SEMA3E: variants seen among roughly 807,000 people sequenced by gnomAD.
SEMA3E encodes the protein semaphorin-3E.
Under a neutral mutation model 93.6 loss-of-function variants are expected in SEMA3E, and 49 were observed. That is an observed-to-expected ratio of 0.52 (90% CI 0.42 to 0.66). The LOEUF is 0.66. Ranked by LOEUF, SEMA3E falls within the 30% of genes least tolerant of loss-of-function variation. SEMA3E has a pLI of 0.00. For synonymous variants in SEMA3E, 363 were observed against 330.7 expected, an observed-to-expected ratio of 1.10 and a Z score of -1.06; for missense variants, 906 against 964.8, an observed-to-expected ratio of 0.94 and a Z score of 0.81.
chr7:83,444,144 A>ATGTGTGTG (rs1382859599), intron 4 of SEMA3E, among the ~76,000 whole-genome samples: 2 of 152,168 alleles, frequency 1.3e-5, no homozygotes, highest in African/African-American at 4.8e-5. Flanking sequence ...AGAGGAGATA[A>ATGTGTGTG]TGTGTGATCT....
intron 3 of SEMA3E, among the ~76,000 whole-genome samples, chr7:83,467,918 CT>C (rs11350586): frequency 0.97 from 147,145 of 152,318 alleles, 71,304 homozygotes; most frequent in East Asian, 1. Flanking sequence ...TTTACAATAG[CT>C]TTCAAAATCA....
At chr7:83,370,764 G>C (rs1562748408) in intron 16 of SEMA3E, among the ~76,000 whole-genome samples, 2 of 151,954 alleles carry the variant, frequency 1.3e-5, no homozygotes, top group Non-Finnish European at 2.9e-5. Context: ...TCATATACTT[G>C]AGCATGCAAC....
chr7:83,534,674 G>T (rs1791377318), intron 1 of SEMA3E, among the ~76,000 whole-genome samples: 1 of 152,104 alleles, frequency 6.6e-6, no homozygotes, highest in Admixed American at 6.6e-5. Flanking sequence ...AAATAAAGTT[G>T]TATTGATCAC....
chr7:83,452,857 C>T (rs1336309229), intron 4 of SEMA3E, among the ~76,000 whole-genome samples: 1 of 152,008 alleles, frequency 6.6e-6, no homozygotes, highest in Non-Finnish European at 1.5e-5. Context: ...CTTTTAATGC[C>T]GTGGGGAACA....
intron 1 of SEMA3E, among the ~76,000 whole-genome samples, chr7:83,560,613 C>A (rs1198606881): frequency 6.6e-6 from 1 of 151,938 alleles, no homozygotes; most frequent in Non-Finnish European, 1.5e-5. Context: ...TCTTAGAATT[C>A]TCCTTTGAAC....
chr7:83,374,462 T>C (rs930448293), intron 16 of SEMA3E, among the ~76,000 whole-genome samples: 1 of 152,020 alleles, frequency 6.6e-6, no homozygotes, highest in Non-Finnish European at 1.5e-5. Context: ...CTCAGATCTA[T>C]AAGGGGTTAT....
At chr7:83,579,657 T>C (rs886910940) in intron 1 of SEMA3E, among the ~76,000 whole-genome samples, 2 of 152,122 alleles carry the variant, frequency 1.3e-5, no homozygotes, top group African/African-American at 4.8e-5. Flanking sequence ...CCCAGTTAAT[T>C]GACATAATGT....
At chr7:83,636,045 A>G (rs571978966) in intron 1 of SEMA3E, among the ~76,000 whole-genome samples, 18 of 152,220 alleles carry the variant, frequency 1.2e-4, no homozygotes, top group African/African-American at 4.3e-4. Context: ...TTGTCACTGT[A>G]GAAATGAATG....
chr7:83,590,939 C>T (rs1173897376), intron 1 of SEMA3E, among the ~76,000 whole-genome samples: 4 of 151,936 alleles, frequency 2.6e-5, no homozygotes, highest in Non-Finnish European at 5.9e-5. Flanking sequence ...TGACACAAAA[C>T]ATGAAGGAAA....
chr7:83,544,350 C>A (rs1292203542), intron 1 of SEMA3E, among the ~76,000 whole-genome samples: 1 of 152,010 alleles, frequency 6.6e-6, no homozygotes, highest in Non-Finnish European at 1.5e-5. Flanking sequence ...GGTGTTAATT[C>A]TTCATTCGAG....
intron 1 of SEMA3E, among the ~76,000 whole-genome samples, chr7:83,598,594 C>T (rs1183769346): frequency 6.6e-6 from 1 of 152,090 alleles, no homozygotes; most frequent in Non-Finnish European, 1.5e-5. Context: ...TAGAGTCCTC[C>T]CTTTGGAAGC....
rs116919730 is a variant in SEMA3E, at chr7:83,456,432, A to C, written c.456+10050T>G. On this transcript the variant is annotated intron_variant, in intron 4 of 16. Transcript: ENST00000643230. Reference sequence around the variant, plus strand: ...TATTCTCCATGAAATCCCCCCATAAAAACAGAGGGATTAAGTAGGATGCAA... The same window carrying C: ...TATTCTCCATGAAATCCCCCCATAACAACAGAGGGATTAAGTAGGATGCAA... 9.3e-3 allele frequency among the ~76,000 whole-genome samples: 1,409 copies of C among 152,178 alleles called. 14 individuals carry two copies. The highest frequency in any genetic ancestry group is 0.015 in the Non-Finnish European group (1,019 of 67,996).
chr7:83,490,176 C>A lies in SEMA3E; in HGVS notation c.214G>T (p.Val72Leu), dbSNP rs371960755. 90 of 1,612,948 alleles carry A rather than the reference C, an allele frequency of 5.6e-5. No individual in the cohort carries two copies. The highest frequency in any genetic ancestry group is 7.0e-5 in the Non-Finnish European group (83 of 1,179,420). Residue 72 changes from valine to leucine, a missense_variant, in exon 2 of 17, where the codon GTG (valine) becomes TTG (leucine). Transcript: ENST00000643230. ...GAATATACAAGGTCCCTGCCTCCCA[C>A]GAAGAGCCTCTCTTGATATTCATCC... ...LLDEYQERLF[V>L]GGRDLVYSLS... is the part of the protein sequence containing the mutation.
intron 1 of SEMA3E, among the ~76,000 whole-genome samples, chr7:83,560,594 A>G (rs942148758): frequency 6.6e-6 from 1 of 151,992 alleles, no homozygotes; most frequent in Non-Finnish European, 1.5e-5. Context: ...TTTCCTATGC[A>G]TGTGTGGTTC....
At chr7:83,629,661 G>C (rs536625530) in intron 1 of SEMA3E, among the ~76,000 whole-genome samples, 1 of 152,244 alleles carries the variant, frequency 6.6e-6, no homozygotes, top group South Asian at 2.1e-4. Flanking sequence ...AGTGTCCCAG[G>C]TCACCTTCAG....
chr7:83,552,453 A>G (rs1445481200), intron 1 of SEMA3E, among the ~76,000 whole-genome samples: 1 of 152,150 alleles, frequency 6.6e-6, no homozygotes, highest in African/African-American at 2.4e-5. Context: ...AAAGAACAGA[A>G]TAACAGCAAT....
intron 2 of SEMA3E, among the ~76,000 whole-genome samples, chr7:83,483,074 G>T (rs1237476887): frequency 6.6e-6 from 1 of 151,556 alleles, no homozygotes; most frequent in Non-Finnish European, 1.5e-5. Context: ...GAGTTAACTG[G>T]GGCCTGAAAA....
intron 1 of SEMA3E, among the ~76,000 whole-genome samples, chr7:83,647,842 TAATC>T (rs1794099091): frequency 2.0e-5 from 3 of 152,228 alleles, no homozygotes; most frequent in South Asian, 2.1e-4. Context: ...AAAATTCTAA[TAATC>T]AATTCAACTG....
At chr7:83,599,746 T>C (rs1303619044) in intron 1 of SEMA3E, among the ~76,000 whole-genome samples, 3 of 152,224 alleles carry the variant, frequency 2.0e-5, no homozygotes, top group African/African-American at 7.2e-5. Context: ...TATATGTCTA[T>C]GGTGTTCCAA....
Sources: allele counts gnomAD v4.1 joint callset (sites outside exome capture counted in the v4.1 genomes callset), GRCh38; gene constraint gnomAD v4.1.1; transcripts MANE v1.5; gene names NCBI Gene and HGNC (gene_info 2026-07-23, HGNC 2026-07-21).